The following TBC1D32 variants were observed in gnomAD, a reference collection of about 807,000 sequenced individuals.
The protein encoded by TBC1D32 is protein broad-minded.
A neutral mutation model predicts 170.3 loss-of-function variants in TBC1D32; 151 were observed. The observed-to-expected ratio is 0.89, with a 90% CI of 0.78 to 1.01. TBC1D32 has a LOEUF of 1.01. Ranked by LOEUF, TBC1D32 falls within the 50% of genes least tolerant of loss-of-function variation. The pLI is 0.00. For synonymous variants in TBC1D32, 498 were observed against 488.0 expected, an observed-to-expected ratio of 1.02 and a Z score of -0.27; for missense variants, 1,464 against 1,457.1, an observed-to-expected ratio of 1.00 and a Z score of -0.08.
At chr6:121,132,532 C>T (rs1237422857) in intron 24 of TBC1D32, among the ~76,000 whole-genome samples, 1 of 151,916 alleles carries the variant, frequency 6.6e-6, no homozygotes, top group Non-Finnish European at 1.5e-5. Context: ...TAGGTAACTG[C>T]TTCTTTGAGT....
chr6:121,079,808 C>T lies in TBC1D32; in HGVS notation c.*963G>A, dbSNP rs1410180593. ...AGTTCAGTACAAGTAAAATATATCA[C>T]TAAGGAAAATGCATAACAAATAAGA... On this transcript the variant is annotated 3_prime_UTR_variant, in exon 32 of 32. Coordinates refer to ENST00000398212, the MANE Select transcript of TBC1D32 (RefSeq NM_152730.6). 6.6e-6 allele frequency: 1 copy of T among 152,044 alleles called. No homozygotes were observed. Among genetic ancestry groups the T allele is most frequent in the Non-Finnish European group, 1.5e-5 (1 of 67,978 alleles). 9.4% of individuals were successfully genotyped at this position (152,044 alleles called of 1,614,324 possible). A position where few individuals can be genotyped will look rare whatever the true frequency, so the allele number is the denominator to read the frequency against.
At chr6:121,191,376 AC>A (rs766685234) in intron 22 of TBC1D32, among the ~76,000 whole-genome samples, 1 of 152,138 alleles carries the variant, frequency 6.6e-6, no homozygotes, top group Non-Finnish European at 1.5e-5. Flanking sequence ...CAGTAACCAC[AC>A]CCTCAAATCT....
At chr6:121,192,977 T>C (rs1604279) in intron 22 of TBC1D32, among the ~76,000 whole-genome samples, 103,533 of 152,052 alleles carry the variant, frequency 0.68, 40,619 homozygotes, top group Non-Finnish European at 0.87. Context: ...GACATATAAC[T>C]AAAGTCCTGG....
At chr6:121,138,672 G>A (rs189809932) in intron 24 of TBC1D32, among the ~76,000 whole-genome samples, 1 of 152,140 alleles carries the variant, frequency 6.6e-6, no homozygotes, top group East Asian at 1.9e-4. Flanking sequence ...AAAAAAGCAT[G>A]AGAAAATGCC....
chr6:121,112,363 G>C, intron 29 of TBC1D32, 142 bp downstream of exon 29: 1 of 680,378 alleles, frequency 1.5e-6, no homozygotes, highest in South Asian at 3.5e-5. Flanking sequence ...TAATCAAAGA[G>C]AATTAGTCAA....
chr6:121,137,401 G>C (rs1462256536), intron 24 of TBC1D32, among the ~76,000 whole-genome samples: 1 of 149,460 alleles, frequency 6.7e-6, no homozygotes, highest in Non-Finnish European at 1.5e-5. Context: ...GAGTAAGGTA[G>C]AGAAAGAAAT....
In TBC1D32 at chr6:121,172,138, G is replaced by A. The variant is rs189067997; in HGVS notation, c.2571-11082C>T. 2.4e-3 allele frequency among the ~76,000 whole-genome samples: 361 copies of A among 152,168 alleles called. 7 individuals are homozygous for A. The highest frequency in any genetic ancestry group is 8.5e-4 in the Non-Finnish European group (58 of 68,006). ...TCTCTTGAATGCCACCACGTAAGAT[G>A]TGCCTTTCACCTTCCACCATGATTA... is the stretch of plus-strand genomic sequence containing the variant. On this transcript the variant is annotated intron_variant, in intron 22 of 31. Coordinates refer to ENST00000398212, the MANE Select transcript of TBC1D32 (RefSeq NM_152730.6).
intron 28 of TBC1D32, 114 bp downstream of exon 28, chr6:121,112,948 C>T (rs1471055378): frequency 5.3e-6 from 4 of 756,146 alleles, no homozygotes; most frequent in Admixed American, 5.8e-5. Context: ...TAACAAATCA[C>T]TAATATAGCT....
rs188218580 is a variant in TBC1D32, at chr6:121,283,918, A to G, written c.1373-8T>C. 695 of 1,544,620 alleles carry G rather than the reference A, an allele frequency of 4.5e-4. No homozygotes were observed. Among genetic ancestry groups the G allele is most frequent in the Non-Finnish European group, 6.8e-5 (77 of 1,127,152 alleles). On this transcript the variant is annotated splice_polypyrimidine_tract_variant and splice_region_variant and intron_variant, in intron 12 of 31. Coordinates refer to ENST00000398212, the MANE Select transcript of TBC1D32 (RefSeq NM_152730.6). ...CTATGAGGGATACCAAACCTTTAAAAAGAAAATAAAGAGAAAATTAATTTC... is the reference window on the plus strand; with the variant it reads ...CTATGAGGGATACCAAACCTTTAAAGAGAAAATAAAGAGAAAATTAATTTC...
At chr6:121,291,455 A>G (rs547769403) in intron 12 of TBC1D32, among the ~76,000 whole-genome samples, 1 of 152,150 alleles carries the variant, frequency 6.6e-6, no homozygotes, top group Non-Finnish European at 1.5e-5. Flanking sequence ...AACAAAAAAC[A>G]GTTTGCTGTT....
rs182818286 is a variant in TBC1D32, at chr6:121,162,026, G to A, written c.2571-970C>T. Among the ~76,000 whole-genome samples, 451 of 152,218 alleles carry A rather than the reference G, an allele frequency of 3.0e-3. 1 individual carries two copies. The highest frequency in any genetic ancestry group is 4.6e-3 in the South Asian group (22 of 4,824). ...ATGTCCTTTGCCCACTTTTTAATGG[G>A]ACTGTTTGCTTTTCTCTTGTAAATT... On this transcript the variant is annotated intron_variant, in intron 22 of 31. Coordinates refer to ENST00000398212, the MANE Select transcript of TBC1D32 (RefSeq NM_152730.6).
chr6:121,228,264 T>C (rs1251734017), intron 20 of TBC1D32, among the ~76,000 whole-genome samples: 1 of 152,102 alleles, frequency 6.6e-6, no homozygotes, highest in Non-Finnish European at 1.5e-5. Flanking sequence ...TTCTGTTTCA[T>C]TGATTTCTGC....
intron 29 of TBC1D32, among the ~76,000 whole-genome samples, chr6:121,107,634 G>A (rs1031328285): frequency 6.6e-6 from 1 of 151,846 alleles, no homozygotes; most frequent in Admixed American, 6.6e-5. Context: ...ATATTGCAAT[G>A]TGTTTCACTA....
At chr6:121,113,259 G>C in intron 27 of TBC1D32, 82 bp from the exon 28 acceptor site, 1 of 814,052 alleles carries the variant, frequency 1.2e-6, no homozygotes, top group South Asian at 1.8e-5. Flanking sequence ...GCATAACTAT[G>C]TTATACAGAG....
intron 22 of TBC1D32, among the ~76,000 whole-genome samples, chr6:121,176,162 A>G (rs1787734832): frequency 6.6e-6 from 1 of 152,216 alleles, no homozygotes; most frequent in South Asian, 2.1e-4. Context: ...ATGAGTTTTA[A>G]CAAGCAGTGA....
chr6:121,185,291 T>A (rs184816078), intron 22 of TBC1D32, among the ~76,000 whole-genome samples: 3 of 152,172 alleles, frequency 2.0e-5, no homozygotes, highest in Admixed American at 1.3e-4. Flanking sequence ...TAGAGAAAAT[T>A]TCCCATGAGC....
chr6:121,314,918 G>A (rs950247612), intron 3 of TBC1D32, among the ~76,000 whole-genome samples: 2 of 152,184 alleles, frequency 1.3e-5, no homozygotes, highest in African/African-American at 2.4e-5. Flanking sequence ...CAGTGTCTGT[G>A]TGCCAGGCAC....
At chr6:121,131,454 T>C (rs1213371426) in intron 25 of TBC1D32, among the ~76,000 whole-genome samples, 173 bp downstream of exon 25, 2 of 151,918 alleles carry the variant, frequency 1.3e-5, no homozygotes, top group East Asian at 3.8e-4. Flanking sequence ...CTTAGTAGTG[T>C]CTCATATTTT....
At position 121,303,636 on chromosome 6, in the gene TBC1D32, A is replaced by C. The variant is rs1220914471; in HGVS notation, c.1061T>G (p.Val354Gly). Residue 354 changes from valine to glycine, a missense_variant, in exon 9 of 32, where the codon GTG (valine) becomes GGG (glycine). Val to Gly is a moderately radical substitution (Grantham distance 109). This residue lies in a region of TBC1D32 where 1,363 missense variants were observed against 1,338.1 expected (regional missense o/e 1.02). Coordinates refer to ENST00000398212, the MANE Select transcript of TBC1D32 (RefSeq NM_152730.6). ...CCTTACCATCCACTTTTTGAACCAC[A>C]CAGCCTTGGTATCAACTAATGCAAA... The part of the protein sequence containing the change: ...YFFALVDTKA[V>G]WFKKWMHAHY... The C allele has an allele frequency of 6.4e-7, 1 of 1,571,074 alleles. No homozygotes were observed. Among genetic ancestry groups the C allele is most frequent in the Non-Finnish European group, 8.7e-7 (1 of 1,152,486 alleles).
Sources: gnomAD v4.1 joint callset for allele counts (sites outside exome capture counted in the v4.1 genomes callset) on GRCh38, gnomAD v4.1.1 for gene constraint, gnomAD v4.1.1 regional missense constraint, MANE v1.5 for transcripts, NCBI Gene and HGNC (gene_info 2026-07-23, HGNC 2026-07-21) for gene names.